UNC13C: variants seen among roughly 807,000 people sequenced by gnomAD.
UNC13C encodes protein unc-13 homolog C.
In UNC13C, 174 loss-of-function variants were observed where a neutral mutation model predicts 245.4. That is an observed-to-expected ratio of 0.71 (90% CI 0.63 to 0.80). UNC13C has a LOEUF of 0.80. UNC13C is among the 30% of genes least tolerant of loss of function. The probability of loss-of-function intolerance (pLI) is 0.00; values close to 1 mark genes in which losing one functional copy is unlikely to be tolerated. For missense variants in UNC13C, 2,829 were observed against 2,602.9 expected, an observed-to-expected ratio of 1.09 and a Z score of -1.89; for synonymous variants, 992 against 895.1, an observed-to-expected ratio of 1.11 and a Z score of -1.93.
At chr15:54,444,212 C>G (rs183807649) in intron 19 of UNC13C, among the ~76,000 whole-genome samples, 40 of 151,580 alleles carry the variant, frequency 2.6e-4, no homozygotes, top group Non-Finnish European at 4.7e-4. Context: ...GTAAATATGA[C>G]TTCTCCTGCT....
At chr15:53,920,569 A>G in the UNC13C span, among the ~76,000 whole-genome samples, 1 of 152,066 alleles carries the variant, frequency 6.6e-6, no homozygotes, top group Non-Finnish European at 1.5e-5. Context: ...ATAATAAATA[A>G]AAAGCAAAAT....
At chr15:54,343,187 G>T (rs185985242) in intron 17 of UNC13C, among the ~76,000 whole-genome samples, 3 of 149,852 alleles carry the variant, frequency 2.0e-5, no homozygotes, top group Middle Eastern at 3.5e-3. Context: ...AGACTGGAGC[G>T]CAGTGGCGCA....
chr15:54,184,224 T>C (rs916975503), intron 4 of UNC13C, among the ~76,000 whole-genome samples: 11 of 152,026 alleles, frequency 7.2e-5, no homozygotes, highest in African/African-American at 2.4e-4. Context: ...CTCTATTAGA[T>C]TCATTATCCA....
intron 19 of UNC13C, among the ~76,000 whole-genome samples, chr15:54,469,585 C>G (rs1892352868): frequency 1.3e-5 from 2 of 151,568 alleles, no homozygotes; most frequent in Non-Finnish European, 3.0e-5. Context: ...CTTTCATATA[C>G]ATAAAATCCT....
intron 30 of UNC13C, among the ~76,000 whole-genome samples, chr15:54,607,739 G>C (rs1172893103): frequency 6.6e-6 from 1 of 152,108 alleles, no homozygotes; most frequent in African/African-American, 2.4e-5. Context: ...GCAGACAGGA[G>C]AGACAAAGGG....
intron 19 of UNC13C, among the ~76,000 whole-genome samples, chr15:54,469,486 T>C (rs1395077125): frequency 6.6e-6 from 1 of 151,512 alleles, no homozygotes; most frequent in South Asian, 2.1e-4. Flanking sequence ...TGTCTCTGGT[T>C]CCAGGACCCC....
intron 24 of UNC13C, among the ~76,000 whole-genome samples, chr15:54,522,451 C>G (rs574807075): frequency 6.6e-6 from 1 of 152,054 alleles, no homozygotes; most frequent in Non-Finnish European, 1.5e-5. Flanking sequence ...GCACTCCAGC[C>G]TGGGCAACAG....
intron 30 of UNC13C, among the ~76,000 whole-genome samples, chr15:54,579,579 A>C (rs1259529588): frequency 6.6e-6 from 1 of 151,972 alleles, no homozygotes; most frequent in Non-Finnish European, 1.5e-5. Context: ...AACACAGTGA[A>C]ACCTCGTCTC....
At chr15:54,556,020 G>A (rs998495738) in intron 29 of UNC13C, among the ~76,000 whole-genome samples, 5 of 151,902 alleles carry the variant, frequency 3.3e-5, no homozygotes, top group Non-Finnish European at 7.4e-5. Flanking sequence ...TCGTTTGTAC[G>A]CATCAGCTGT....
intron 25 of UNC13C, among the ~76,000 whole-genome samples, chr15:54,528,024 T>A (rs1895553236): frequency 6.6e-6 from 1 of 151,232 alleles, no homozygotes; most frequent in South Asian, 2.1e-4. Context: ...GTGTAGAGTT[T>A]TAGAATTAAG....
chr15:54,583,971 G>A (rs972710794), intron 30 of UNC13C, among the ~76,000 whole-genome samples: 1 of 152,146 alleles, frequency 6.6e-6, no homozygotes, highest in Non-Finnish European at 1.5e-5. Flanking sequence ...GTGCTCTCTG[G>A]CTCCCCGTGG....
intron 8 of UNC13C, among the ~76,000 whole-genome samples, chr15:54,259,870 G>C (rs1305728824): frequency 6.6e-6 from 1 of 151,632 alleles, no homozygotes; most frequent in Non-Finnish European, 1.5e-5. Context: ...GGTGTATTTT[G>C]TCTTTTCATA....
In UNC13C at chr15:54,238,075, G is replaced by GGT. The variant is rs1245061839; in HGVS notation, c.3228+386_3228+387dup. ...TAATTTCCTCCTCAGGACTTTTATA[G>GGT]GTTTTTTTTTTTTTTTTTTGAGACA... On this transcript the variant is annotated intron_variant, in intron 7 of 32. Transcript: ENST00000260323. Among the ~76,000 whole-genome samples the GGT allele has an allele frequency of 2.3e-4, 6 of 26,452 alleles. No individual in the cohort carries two copies. In the East Asian group the frequency reaches 7.6e-3, roughly 33 times the overall value. The allele number at this position is 26,452 out of a possible 152,430, so 17.4% of individuals were successfully genotyped here.
At chr15:54,110,560 A>C (rs901544306) in intron 2 of UNC13C, among the ~76,000 whole-genome samples, 7 of 152,238 alleles carry the variant, frequency 4.6e-5, no homozygotes, top group Admixed American at 2.0e-4. Context: ...TGTTGGTTTC[A>C]AAATGATTAA....
At position 53,989,781 on chromosome 15, in the gene UNC13C, T is replaced by C. The variant is rs1894302007; in HGVS notation, c.-257+10854T>C. On this transcript the variant is annotated intron_variant, in intron 1 of 32. Transcript: ENST00000260323. ...ATACTAATGTATAATTGCACTTTTC[T>C]TGGAGACAGCAGCCAGCATGGCTAC... is the stretch of plus-strand genomic sequence containing the variant. Among the ~76,000 whole-genome samples the C allele has an allele frequency of 2.0e-5, 3 of 152,026 alleles. No homozygotes were observed. In the South Asian group the frequency reaches 6.2e-4, roughly 32 times the overall value.
intron 4 of UNC13C, 74 bp from the exon 5 acceptor site, chr15:54,234,956 C>A: frequency 7.6e-7 from 1 of 1,313,792 alleles, no homozygotes; most frequent in East Asian, 2.3e-5. Flanking sequence ...GACTTTATAC[C>A]ATGAACAGTG....
chr15:54,525,659 T>C, intron 25 of UNC13C, 22 bp downstream of exon 25: 1 of 1,585,128 alleles, frequency 6.3e-7, no homozygotes, highest in Non-Finnish European at 8.6e-7. Flanking sequence ...CTGTTGTCAT[T>C]ATCTAAATTA....
At chr15:53,841,241 A>G in the UNC13C span, among the ~76,000 whole-genome samples, 1 of 152,142 alleles carries the variant, frequency 6.6e-6, no homozygotes, top group Admixed American at 6.6e-5. Context: ...TTTTACAACT[A>G]CCAATTGGTG....
chr15:54,321,252 C>G, intron 13 of UNC13C: 1 of 482,326 alleles, frequency 2.1e-6, no homozygotes, highest in South Asian at 1.6e-5. Context: ...GACCCCTTTT[C>G]TTGCCACTGC....
Sources: allele counts gnomAD v4.1 joint callset (sites outside exome capture counted in the v4.1 genomes callset), GRCh38; gene constraint gnomAD v4.1.1; transcripts MANE v1.5; gene names NCBI Gene and HGNC (gene_info 2026-07-23, HGNC 2026-07-21).